DNAH9: variants seen among roughly 807,000 people sequenced by gnomAD.
The protein encoded by DNAH9 is dynein axonemal heavy chain 9.
In DNAH9, 345 loss-of-function variants were observed where a neutral mutation model predicts 471.6. The ratio of observed to expected loss-of-function variants is 0.73; its 90% CI spans 0.67 to 0.80. The LOEUF is 0.80. DNAH9 is among the 30% of genes least tolerant of loss of function. The pLI is 0.00. For missense variants in DNAH9, 5,407 were observed against 5,609.2 expected (o/e 0.96, Z 1.15); for synonymous variants, 2,093 against 2,123.6 (o/e 0.99, Z 0.40).
rs1389496088 is a variant in DNAH9, at chr17:11,598,670, G to A, written c.172G>A (p.Ala58Thr). 2.9e-6 allele frequency: 4 copies of A among 1,362,594 alleles called. No homozygotes were observed. Among genetic ancestry groups the A allele is most frequent in the Non-Finnish European group, 3.8e-6 (4 of 1,063,784 alleles). The allele number at this position is 1,362,594 out of a possible 1,614,324, so 84.4% of individuals were successfully genotyped here. The change falls in exon 1 of 69, where the codon GCC becomes ACC. Residue 58 changes from alanine (A) to threonine (T), a missense_variant. Around this residue, in one of 3 missense-constraint regions of DNAH9, gnomAD observed 767 missense variants for 692.5 expected, o/e 1.11. Transcript: ENST00000262442. ...TGCTGAGGCGGAGCAGCTGCTCCAGGCCTTCCTGGGCCGCGATGCTGCCGA... is the reference window on the plus strand; with the variant it reads ...TGCTGAGGCGGAGCAGCTGCTCCAGACCTTCCTGGGCCGCGATGCTGCCGA... ...GSAEAEQLLQ[A>T]FLGRDAAEGP...
At chr17:11,647,305 T>G (rs1192143210) in intron 12 of DNAH9, 107 bp downstream of exon 12, 3 of 1,176,632 alleles carry the variant, frequency 2.5e-6, no homozygotes, top group African/African-American at 1.5e-5. Context: ...GGAGTTTCAC[T>G]CTTGTCGCCC....
At chr17:11,944,241 C>T (rs557960849) in intron 67 of DNAH9, among the ~76,000 whole-genome samples, 45 of 152,274 alleles carry the variant, frequency 3.0e-4, no homozygotes, top group African/African-American at 1.1e-3. Context: ...GGAGCCTTCC[C>T]TTGCAGAAGG....
intron 27 of DNAH9, chr17:11,723,467 A>T (rs11658777): frequency 0.1 from 15,469 of 151,806 alleles, 1,079 homozygotes; most frequent in Non-Finnish European, 0.14. Context: ...GGACCAGGAG[A>T]TATGTGGTGA....
At chr17:11,759,347 G>A (rs931965739) in intron 35 of DNAH9, among the ~76,000 whole-genome samples, 2 of 151,608 alleles carry the variant, frequency 1.3e-5, no homozygotes, top group African/African-American at 2.4e-5. Flanking sequence ...CTACTGTTTA[G>A]CTCCCACTTA....
chr17:11,819,046 T>A (rs1203454864), intron 45 of DNAH9, among the ~76,000 whole-genome samples: 1 of 152,064 alleles, frequency 6.6e-6, no homozygotes, highest in African/African-American at 2.4e-5. Flanking sequence ...AATTTCTGAC[T>A]CTCCCTCTTC....
intron 52 of DNAH9, among the ~76,000 whole-genome samples, chr17:11,872,209 CA>C (rs1972293298): frequency 6.6e-6 from 1 of 152,130 alleles, no homozygotes; most frequent in Non-Finnish European, 1.5e-5. Flanking sequence ...CCTAAAGCTA[CA>C]CAGCTTGTGC....
intron 19 of DNAH9, among the ~76,000 whole-genome samples, 156 bp from the exon 20 acceptor site, chr17:11,689,410 T>C (rs1348977726): frequency 6.6e-6 from 1 of 151,894 alleles, no homozygotes; most frequent in East Asian, 1.9e-4. Context: ...AGAAAAGACA[T>C]TATTTGCTTT....
chr17:11,957,349 C>T (rs1179992963), intron 67 of DNAH9, among the ~76,000 whole-genome samples: 1 of 152,134 alleles, frequency 6.6e-6, no homozygotes, highest in Non-Finnish European at 1.5e-5. Flanking sequence ...ACCAATTTTA[C>T]ATAAACTCTT....
rs148703647 is a variant in DNAH9, at chr17:11,799,107, G to C, written c.8420+1314G>C. On this transcript the variant is annotated intron_variant, in intron 43 of 68. Transcript: ENST00000262442. The stretch of plus-strand genomic sequence containing the variant: ...AATAATCCTTTCTGTTCCTTGGCTT[G>C]CTTGGCTCCCATGGTCTTTTCTTCT... Among the ~76,000 whole-genome samples the C allele has an allele frequency of 1.6e-3, 250 of 152,190 alleles. 2 individuals are homozygous for C. Among genetic ancestry groups the C allele is most frequent in the African/African-American group, 5.9e-3 (243 of 41,516 alleles).
At chr17:11,807,506 T>TC (rs1295453497) in intron 43 of DNAH9, among the ~76,000 whole-genome samples, 1 of 152,114 alleles carries the variant, frequency 6.6e-6, no homozygotes, top group Non-Finnish European at 1.5e-5. Flanking sequence ...CCCCAGGCTG[T>TC]CCCTAGTTCA....
chr17:11,720,196 C>T (rs1196299651), intron 27 of DNAH9, among the ~76,000 whole-genome samples: 1 of 151,394 alleles, frequency 6.6e-6, no homozygotes, highest in African/African-American at 2.4e-5. Context: ...CCTTATATAG[C>T]TTCTTTTTTT....
At chr17:11,779,989 G>C (rs905656969) in intron 38 of DNAH9, among the ~76,000 whole-genome samples, 5 of 152,214 alleles carry the variant, frequency 3.3e-5, no homozygotes, top group Admixed American at 6.5e-5. Flanking sequence ...GAAGAAATCA[G>C]ATGGTTCTCA....
Position 11,942,321 on chromosome 17 carries a change from G to A in DNAH9, c.12679G>A (p.Glu4227Lys), listed in dbSNP as rs746141075. 23 of 1,614,120 alleles carry A rather than the reference G, an allele frequency of 1.4e-5. No homozygotes were observed. Among genetic ancestry groups the A allele is most frequent in the Non-Finnish European group, 1.9e-5 (22 of 1,179,974 alleles). Reference protein sequence around the residue: ...REEKVKALLEEILERVTDEFN... With the variant: ...REEKVKALLEKILERVTDEFN... ...GGGGCAGGTCAAGGCACTTCTGGAAGAAATATTGGAGCGGGTGACAGACGA... is the reference window on the plus strand; with the variant it reads ...GGGGCAGGTCAAGGCACTTCTGGAAAAAATATTGGAGCGGGTGACAGACGA... The change falls in exon 67 of 69, where the codon GAA becomes AAA. Residue 4227 changes from glutamate (E) to lysine (K), a missense_variant. Coordinates refer to ENST00000262442, the MANE Select transcript of DNAH9 (RefSeq NM_001372.4).
chr17:11,603,671 T>A (rs2072434388), intron 1 of DNAH9, among the ~76,000 whole-genome samples: 1 of 152,210 alleles, frequency 6.6e-6, no homozygotes, highest in Admixed American at 6.5e-5. Context: ...CCACCAGCTG[T>A]CACCCTATGT....
intron 4 of DNAH9, among the ~76,000 whole-genome samples, chr17:11,615,033 T>G (rs1034866744): frequency 2.0e-5 from 3 of 152,144 alleles, no homozygotes; most frequent in African/African-American, 2.4e-5. Flanking sequence ...TGCACACTGG[T>G]TTGCTGTGGC....
In DNAH9 at chr17:11,689,907, C is replaced by T; in HGVS notation, c.4085C>T (p.Thr1362Ile). The T allele has an allele frequency of 1.9e-6, 3 of 1,608,928 alleles. No individual in the cohort carries two copies. Among genetic ancestry groups the T allele is most frequent in the Non-Finnish European group, 2.5e-6 (3 of 1,177,340 alleles). ...GATGCATTCACAGGCCTGGAAAGCA[C>T]TGTGTGGAACACGCTGAGCTCCCTG... ...AWDAFTGLES[T>I]VWNTLSSLRA... Residue 1362 changes from threonine (T) to isoleucine (I), a missense_variant, in exon 20 of 69, where the codon ACT becomes ATT. Physicochemically the swap from Thr to Ile is moderately conservative, Grantham distance 89 (BLOSUM62 -1). Coordinates refer to ENST00000262442, the MANE Select transcript of DNAH9 (RefSeq NM_001372.4).
intron 62 of DNAH9, chr17:11,925,441 C>CAG: frequency 3.5e-6 from 1 of 282,134 alleles, no homozygotes; most frequent in Non-Finnish European, 7.0e-6. Context: ...CTCCCAGGGC[C>CAG]TCCTTTTCCA....
chr17:11,729,005 A>G, intron 28 of DNAH9, among the ~76,000 whole-genome samples: 1 of 152,162 alleles, frequency 6.6e-6, no homozygotes, highest in East Asian at 1.9e-4. Flanking sequence ...AGGAGAAAAT[A>G]AGGCCAGAGA....
At chr17:11,886,120 C>T (rs1220272577) in intron 56 of DNAH9, among the ~76,000 whole-genome samples, 1 of 152,048 alleles carries the variant, frequency 6.6e-6, no homozygotes, top group Admixed American at 6.6e-5. Context: ...GTCAGGAGTT[C>T]GAGACTAGCC....
Sources: allele counts gnomAD v4.1 joint callset (sites outside exome capture counted in the v4.1 genomes callset), GRCh38; gene constraint gnomAD v4.1.1; regional missense constraint gnomAD v4.1.1; transcripts MANE v1.5; gene names NCBI Gene and HGNC (gene_info 2026-07-23, HGNC 2026-07-21).